Variants in ZBTB10 observed in about 807,000 individuals in gnomAD.
ZBTB10 encodes zinc finger and BTB domain-containing protein 10.
ZBTB10 carries 32 observed loss-of-function variants against 76.4 expected under a neutral mutation model. That is an observed-to-expected ratio of 0.42 (90% CI 0.32 to 0.56). ZBTB10 has a LOEUF of 0.56. Ranked by LOEUF, ZBTB10 falls within the 20% of genes least tolerant of loss-of-function variation. The probability of loss-of-function intolerance (pLI) is 0.14; values close to 1 mark genes in which losing one functional copy is unlikely to be tolerated. For synonymous variants in ZBTB10, 523 were observed against 432.9 expected (o/e 1.21, Z -2.58); for missense variants, 1,057 against 1,098.5 (o/e 0.96, Z 0.53).
Position 80,499,955 on chromosome 8 carries a change from C to T in ZBTB10, c.1434C>T (p.Asp478=). The change falls in exon 2 of 6, where the codon GAC becomes GAT. Residue 478 remains aspartate (D), a synonymous_variant. Transcript: ENST00000455036. ...AAGCTCCAGAGTCTGTAGTTGTGGACTATAATAATAGAAAACCAGTTAATA... is the reference window on the plus strand; with the variant it reads ...AAGCTCCAGAGTCTGTAGTTGTGGATTATAATAATAGAAAACCAGTTAATA... ...KSEAPESVVV[D]YNNRKPVNRD... 2 of 1,613,798 alleles carry T rather than the reference C, an allele frequency of 1.2e-6. No individual in the cohort carries two copies. Among genetic ancestry groups the T allele is most frequent in the South Asian group, 2.2e-5 (2 of 91,078 alleles).
intron 2 of ZBTB10, among the ~76,000 whole-genome samples, chr8:80,507,129 G>A (rs1435716775): frequency 6.6e-6 from 1 of 151,026 alleles, no homozygotes; most frequent in Non-Finnish European, 1.5e-5. Flanking sequence ...CCAACATGGT[G>A]AAACCCCATC....
intron 2 of ZBTB10, among the ~76,000 whole-genome samples, chr8:80,506,309 T>C (rs1816051263): frequency 6.6e-6 from 1 of 152,088 alleles, no homozygotes; most frequent in South Asian, 2.1e-4. Flanking sequence ...GGGTTTTTTT[T>C]CTTTTTTTCT....
intron 3 of ZBTB10, among the ~76,000 whole-genome samples, chr8:80,517,959 A>G (rs991212974): frequency 7.2e-6 from 1 of 139,848 alleles, no homozygotes. Flanking sequence ...AATCACTGCA[A>G]CTCCCGGGCT....
At position 80,499,846 on chromosome 8, in the gene ZBTB10, TG is replaced by T. The variant is rs1815876647; in HGVS notation, c.1327del (p.Ala443ProfsTer6). On this transcript the variant is annotated frameshift_variant, in exon 2 of 6. Transcript: ENST00000455036. LOFTEE classifies it high-confidence loss of function. ...CAAAATGCCATTGAAGTTATGACCG[TG>T]GCCAGCTATCTTCAAATGAGTGAAG... ...TSQNAIEVMTVASYLQMSEVV... is the reference protein window; with the variant it reads ...TSQNAIEVMTXASYLQMSEVV... 6.2e-7 allele frequency: 1 copy of T among 1,613,908 alleles called. No homozygotes were observed.
chr8:80,493,087 G>T (rs1815672761), intron 1 of ZBTB10, among the ~76,000 whole-genome samples: 1 of 151,810 alleles, frequency 6.6e-6, no homozygotes. Flanking sequence ...GGTGGCAGGT[G>T]CCTGTAATCC....
At chr8:80,493,189 C>T (rs949930946) in intron 1 of ZBTB10, among the ~76,000 whole-genome samples, 12 of 134,408 alleles carry the variant, frequency 8.9e-5, no homozygotes, top group Non-Finnish European at 9.6e-5. Context: ...GACTGTGCCT[C>T]AAAACGCGCG....
rs1361005586 is a variant in ZBTB10 at position 80,519,519 on chromosome 8, A to G, written c.2607A>G (p.Leu869=). The part of the protein sequence containing the change: ...WDESGEVCMS[L]DD Reference sequence around the variant, plus strand: ...AATCAGGAGAAGTTTGTATGTCTCTAGATGATTAACTGACCTACTATACTC... The same window carrying G: ...AATCAGGAGAAGTTTGTATGTCTCTGGATGATTAACTGACCTACTATACTC... The change falls in exon 6 of 6, where the codon CTA becomes CTG. Residue 869 remains leucine (L), a synonymous_variant. Transcript: ENST00000455036. 4 of 1,608,034 alleles carry G rather than the reference A, an allele frequency of 2.5e-6. No homozygotes were observed. The highest frequency in any genetic ancestry group is 2.2e-5 in the East Asian group (1 of 44,744).
chr8:80,511,115 T>C (rs900421942), intron 2 of ZBTB10, among the ~76,000 whole-genome samples: 4 of 152,316 alleles, frequency 2.6e-5, no homozygotes, highest in African/African-American at 9.6e-5. Context: ...AACTCACCTG[T>C]TTTTGAGATT....
In ZBTB10 at chr8:80,519,877, A is replaced by C. The variant is rs1015018598; in HGVS notation, c.*349A>C. On this transcript the variant is annotated 3_prime_UTR_variant, in exon 6 of 6. Coordinates refer to ENST00000455036, the MANE Select transcript of ZBTB10 (RefSeq NM_001105539.3). ...GTGCTACTTTAACATGAATGGAGAAAATCCGTTTATGGAAGTACAGTGACA... is the reference window on the plus strand; with the variant it reads ...GTGCTACTTTAACATGAATGGAGAACATCCGTTTATGGAAGTACAGTGACA... 5.7e-6 allele frequency: 1 copy of C among 174,572 alleles called. No homozygotes were observed. Among genetic ancestry groups the C allele is most frequent in the African/African-American group, 2.4e-5 (1 of 42,110 alleles). 10.8% of individuals were successfully genotyped at this position (174,572 alleles called of 1,614,324 possible). A position where few individuals can be genotyped will look rare whatever the true frequency, so the allele number is the denominator to read the frequency against.
chr8:80,488,113 C>T (rs1416820456), intron 1 of ZBTB10, among the ~76,000 whole-genome samples: 2 of 152,066 alleles, frequency 1.3e-5, no homozygotes, highest in African/African-American at 4.8e-5. Context: ...GCTGACTTTG[C>T]GGTAAAAAAA....
At chr8:80,507,517 A>T (rs970402643) in intron 2 of ZBTB10, among the ~76,000 whole-genome samples, 4 of 151,750 alleles carry the variant, frequency 2.6e-5, no homozygotes, top group African/African-American at 9.7e-5. Flanking sequence ...TGGGGGGCTG[A>T]GGCAGGAGAA....
At chr8:80,516,516 C>T (rs1014005883) in intron 3 of ZBTB10, among the ~76,000 whole-genome samples, 4 of 152,200 alleles carry the variant, frequency 2.6e-5, no homozygotes, top group African/African-American at 9.7e-5. Flanking sequence ...CCTCCACAGG[C>T]TACCACTTCC....
chr8:80,503,381 G>C (rs146327070), intron 2 of ZBTB10, among the ~76,000 whole-genome samples: 2 of 152,286 alleles, frequency 1.3e-5, no homozygotes, highest in African/African-American at 4.8e-5. Flanking sequence ...TGCTTGTAAA[G>C]ACTTCCCTAA....
intron 2 of ZBTB10, among the ~76,000 whole-genome samples, chr8:80,501,129 G>A (rs1466704553): frequency 6.6e-6 from 1 of 152,160 alleles, no homozygotes; most frequent in Non-Finnish European, 1.5e-5. Context: ...GCCTCCCAAA[G>A]TGCTGGGATT....
At chr8:80,485,861 A>T, upstream of ZBTB10, 3 of 1,535,764 alleles carry the variant, frequency 2.0e-6, no homozygotes, top group Non-Finnish European at 2.6e-6. Context: ...GAGAAGGAAA[A>T]TGCGCGTCCC....
At chr8:80,501,449 C>T (rs894519531) in intron 2 of ZBTB10, among the ~76,000 whole-genome samples, 1 of 152,308 alleles carries the variant, frequency 6.6e-6, no homozygotes, top group African/African-American at 2.4e-5. Context: ...TGAGGCTTGT[C>T]CACCACTGTC....
At chr8:80,493,184 TGCCTCAAAACGCGCGC>T (rs1164007360) in intron 1 of ZBTB10, among the ~76,000 whole-genome samples, 195 of 143,632 alleles carry the variant, frequency 1.4e-3, no homozygotes, top group African/African-American at 4.9e-3. Flanking sequence ...AGCAAGACTG[TGCCTCAAAACGCGCGC>T]GCGCGCGCAC....
Position 80,487,130 on chromosome 8 carries a change from G to A in ZBTB10, c.320G>A (p.Gly107Asp). The A allele has an allele frequency of 6.6e-7, 1 of 1,514,958 alleles. No individual in the cohort carries two copies. Among genetic ancestry groups the A allele is most frequent in the Non-Finnish European group, 8.8e-7 (1 of 1,135,176 alleles). The allele number at this position is 1,514,958 out of a possible 1,614,324, so 93.8% of individuals were successfully genotyped here. Residue 107 changes from glycine to aspartate, a missense_variant, in exon 1 of 6, where the codon GGC (glycine) becomes GAC (aspartate). By Grantham distance (94) the Gly-to-Asp change is moderately conservative (BLOSUM62 -1). Coordinates refer to ENST00000455036, the MANE Select transcript of ZBTB10 (RefSeq NM_001105539.3). ...PQDAGGPTSL[G>D]GGAGGPLLAE... Reference sequence around the variant, plus strand: ...GACGCGGGCGGCCCCACCTCGCTTGGCGGTGGCGCGGGGGGCCCCCTGCTA... The same window carrying A: ...GACGCGGGCGGCCCCACCTCGCTTGACGGTGGCGCGGGGGGCCCCCTGCTA...
chr8:80,497,026 G>C (rs1405690717), intron 1 of ZBTB10, among the ~76,000 whole-genome samples: 2 of 152,098 alleles, frequency 1.3e-5, no homozygotes, highest in East Asian at 3.9e-4. Context: ...TCTATAGAGA[G>C]CATAGGCAAA....
Sources: gnomAD v4.1 joint callset for allele counts (sites outside exome capture counted in the v4.1 genomes callset) on GRCh38, gnomAD v4.1.1 for gene constraint, MANE v1.5 for transcripts, NCBI Gene and HGNC (gene_info 2026-07-23, HGNC 2026-07-21) for gene names.